The following ZEB1 variants were observed in gnomAD, a reference collection of about 807,000 sequenced individuals.
The protein encoded by ZEB1 is zinc finger E-box binding homeobox 1, also known as zinc finger E-box-binding homeobox 1.
ZEB1 carries 21 observed loss-of-function variants against 84.9 expected under a neutral mutation model. The ratio of observed to expected loss-of-function variants is 0.25; its 90% CI spans 0.18 to 0.36. The LOEUF is 0.36. Ranked by LOEUF, ZEB1 falls within the 10% of genes least tolerant of loss-of-function variation. The pLI, the probability that ZEB1 is intolerant of heterozygous loss-of-function variation, is 1.00. For synonymous variants in ZEB1, 420 were observed against 471.1 expected, an observed-to-expected ratio of 0.89 and a Z score of 1.41; for missense variants, 1,104 against 1,330.2, an observed-to-expected ratio of 0.83 and a Z score of 2.65.
chr10:31,318,980 A>G, upstream of ZEB1: 1 of 537,050 alleles, frequency 1.9e-6, no homozygotes, highest in Non-Finnish European at 3.4e-6. Context: ...ACCACACCTG[A>G]GGAAAACTTT....
At chr10:31,321,310 C>G in intron 1 of ZEB1, 2 of 1,404,490 alleles carry the variant, frequency 1.4e-6, no homozygotes, top group Non-Finnish European at 1.9e-6. Flanking sequence ...TCATTAAAAT[C>G]ACTGCTTTCG....
intron 2 of ZEB1, among the ~76,000 whole-genome samples, chr10:31,484,599 C>G (rs898807978): frequency 6.6e-6 from 1 of 151,988 alleles, no homozygotes; most frequent in Non-Finnish European, 1.5e-5. Context: ...TATCATAAGT[C>G]ACTCAGATGA....
chr10:31,472,177 C>G (rs2063357964), intron 2 of ZEB1, among the ~76,000 whole-genome samples: 1 of 151,310 alleles, frequency 6.6e-6, no homozygotes, highest in Non-Finnish European at 1.5e-5. Context: ...CAAACACATT[C>G]AAAAGCTAGC....
intron 2 of ZEB1, among the ~76,000 whole-genome samples, chr10:31,474,505 A>T (rs1358329109): frequency 1.3e-5 from 2 of 152,206 alleles, no homozygotes; most frequent in South Asian, 2.1e-4. Flanking sequence ...TCAAAACCAC[A>T]ATGAGATACC....
chr10:31,494,006 C>T (rs1591833027), intron 2 of ZEB1, among the ~76,000 whole-genome samples: 1 of 151,902 alleles, frequency 6.6e-6, no homozygotes, highest in East Asian at 1.9e-4. Context: ...GTCATTTTAC[C>T]TTTAATATCA....
intron 1 of ZEB1, among the ~76,000 whole-genome samples, chr10:31,426,376 G>A (rs1382418742): frequency 6.6e-6 from 1 of 152,104 alleles, no homozygotes; most frequent in Non-Finnish European, 1.5e-5. Context: ...GGGAAAAGAG[G>A]ACAGTTTAGA....
At chr10:31,369,314 T>C (rs1259316277) in intron 1 of ZEB1, among the ~76,000 whole-genome samples, 1 of 152,214 alleles carries the variant, frequency 6.6e-6, no homozygotes, top group Non-Finnish European at 1.5e-5. Context: ...AAACTTATTC[T>C]TCCTCTCTAC....
intron 1 of ZEB1, among the ~76,000 whole-genome samples, chr10:31,407,345 G>C (rs968943832): frequency 2.7e-5 from 4 of 148,074 alleles, no homozygotes; most frequent in African/African-American, 1.0e-4. Context: ...AACATGCGGT[G>C]TTTGGTTTTT....
At chr10:31,392,208 T>A (rs2049872000) in intron 1 of ZEB1, among the ~76,000 whole-genome samples, 1 of 152,180 alleles carries the variant, frequency 6.6e-6, no homozygotes, top group South Asian at 2.1e-4. Flanking sequence ...TGAGGCTATG[T>A]GATAAGTTCT....
intron 2 of ZEB1, 25 bp from the exon 3 acceptor site, chr10:31,495,741 CTATAGATCTA>C (rs2139014220): frequency 6.2e-7 from 1 of 1,608,992 alleles, no homozygotes; most frequent in East Asian, 2.2e-5. Context: ...ATTAGGAACA[CTATAGATCTA>C]TTTTAATTTC....
At chr10:31,340,360 G>C (rs1398517626) in intron 1 of ZEB1, among the ~76,000 whole-genome samples, 1 of 152,132 alleles carries the variant, frequency 6.6e-6, no homozygotes, top group African/African-American at 2.4e-5. Context: ...AAATCATTTA[G>C]AGGGTAAACT....
chr10:31,369,259 A>G (rs2134378899), intron 1 of ZEB1, among the ~76,000 whole-genome samples: 1 of 152,300 alleles, frequency 6.6e-6, no homozygotes, highest in African/African-American at 2.4e-5. Flanking sequence ...GAAATACTTA[A>G]AACGTTATTA....
At chr10:31,334,873 G>A (rs1299696288) in intron 1 of ZEB1, among the ~76,000 whole-genome samples, 1 of 151,912 alleles carries the variant, frequency 6.6e-6, no homozygotes, top group Non-Finnish European at 1.5e-5. Context: ...AAACAAAAAG[G>A]AAAAATATTC....
At chr10:31,447,267 G>T (rs566958164) in intron 1 of ZEB1, among the ~76,000 whole-genome samples, 13 of 149,716 alleles carry the variant, frequency 8.7e-5, no homozygotes, top group Non-Finnish European at 8.9e-5. Context: ...CATTTGCTTG[G>T]TAGATCTTCC....
At chr10:31,365,910 A>G (rs2044378681) in intron 1 of ZEB1, among the ~76,000 whole-genome samples, 1 of 152,236 alleles carries the variant, frequency 6.6e-6, no homozygotes, top group African/African-American at 2.4e-5. Flanking sequence ...TTTAAACTCC[A>G]GGTTACCATC....
intron 3 of ZEB1, among the ~76,000 whole-genome samples, chr10:31,498,950 T>G (rs1376962499): frequency 6.6e-6 from 1 of 152,074 alleles, no homozygotes; most frequent in Non-Finnish European, 1.5e-5. Context: ...TTCTTTTTTT[T>G]AGCATTGAGG....
chr10:31,445,947 G>A (rs1318630339), intron 1 of ZEB1, among the ~76,000 whole-genome samples: 35 of 129,124 alleles, frequency 2.7e-4, no homozygotes, highest in Middle Eastern at 3.5e-3. Flanking sequence ...AGTTAGGGAG[G>A]ATTCCCTCTT....
At chr10:31,500,036 C>T (rs1312957050) in intron 3 of ZEB1, among the ~76,000 whole-genome samples, 1 of 151,968 alleles carries the variant, frequency 6.6e-6, no homozygotes, top group Non-Finnish European at 1.5e-5. Flanking sequence ...ATTATTCCAA[C>T]AGCTAGCACA....
intron 1 of ZEB1, among the ~76,000 whole-genome samples, chr10:31,351,128 G>A (rs1178940347): frequency 1.3e-5 from 2 of 152,154 alleles, no homozygotes; most frequent in Admixed American, 6.5e-5. Context: ...TGTTAGCTGA[G>A]TATCTGGAGT....
Sources: allele counts gnomAD v4.1 joint callset (sites outside exome capture counted in the v4.1 genomes callset), GRCh38; gene constraint gnomAD v4.1.1; transcripts MANE v1.5; gene names NCBI Gene and HGNC (gene_info 2026-07-23, HGNC 2026-07-21).